The following ATP8B4 variants were observed in gnomAD, a reference collection of about 807,000 sequenced individuals.
The protein encoded by ATP8B4 is probable phospholipid-transporting ATPase IM.
ATP8B4 carries 133 observed loss-of-function variants against 145.6 expected under a neutral mutation model. That is an observed-to-expected ratio of 0.91 (90% CI 0.79 to 1.05). The LOEUF is 1.05. Ranked by LOEUF, ATP8B4 falls within the 50% of genes least tolerant of loss-of-function variation. The pLI is 0.00. For missense variants in ATP8B4, 1,458 were observed against 1,425.2 expected, an observed-to-expected ratio of 1.02 and a Z score of -0.37; for synonymous variants, 507 against 492.9, an observed-to-expected ratio of 1.03 and a Z score of -0.38.
chr15:50,099,290 T>C (rs1775136659), intron 2 of ATP8B4, among the ~76,000 whole-genome samples: 1 of 152,166 alleles, frequency 6.6e-6, no homozygotes, highest in Non-Finnish European at 1.5e-5. Flanking sequence ...TTTTCTTTTC[T>C]TTTTTTAGAG....
intron 20 of ATP8B4, among the ~76,000 whole-genome samples, chr15:49,906,420 GT>G (rs1207569513): frequency 1.3e-5 from 2 of 152,194 alleles, no homozygotes; most frequent in African/African-American, 4.8e-5. Context: ...CGTAATGACA[GT>G]TGTGTCATCT....
intron 23 of ATP8B4, among the ~76,000 whole-genome samples, chr15:49,892,110 C>T (rs2036888185): frequency 7.0e-6 from 1 of 142,816 alleles, no homozygotes; most frequent in Non-Finnish European, 1.5e-5. Context: ...GCAAGACTCA[C>T]CTAAAAAAAA....
intron 16 of ATP8B4, among the ~76,000 whole-genome samples, chr15:49,928,850 GAGA>G (rs1294172780): frequency 6.6e-6 from 1 of 152,090 alleles, no homozygotes; most frequent in Non-Finnish European, 1.5e-5. Context: ...GAGACTGGAA[GAGA>G]AGGAGATGGA....
At chr15:50,056,898 T>C (rs1403768556) in intron 3 of ATP8B4, among the ~76,000 whole-genome samples, 1 of 152,098 alleles carries the variant, frequency 6.6e-6, no homozygotes, top group East Asian at 1.9e-4. Flanking sequence ...TTTTATTTTT[T>C]TATTTTTTAT....
intron 23 of ATP8B4, among the ~76,000 whole-genome samples, chr15:49,890,710 G>C (rs1011466847): frequency 1.3e-5 from 2 of 152,110 alleles, no homozygotes; most frequent in African/African-American, 4.8e-5. Flanking sequence ...CTAAAAAAAA[G>C]CCAAAACATT....
chr15:49,869,739 C>T (rs1240731957), intron 25 of ATP8B4, among the ~76,000 whole-genome samples: 2 of 152,156 alleles, frequency 1.3e-5, no homozygotes, highest in Non-Finnish European at 1.5e-5. Context: ...TTTGGCAACC[C>T]GTCCCCAGGG....
intron 1 of ATP8B4, among the ~76,000 whole-genome samples, chr15:50,161,501 C>G (rs1321058819): frequency 6.6e-6 from 1 of 151,914 alleles, no homozygotes; most frequent in Non-Finnish European, 1.5e-5. Flanking sequence ...TATTTTATCT[C>G]TTACTTTTTA....
intron 2 of ATP8B4, among the ~76,000 whole-genome samples, chr15:50,078,541 A>C (rs897350454): frequency 1.3e-5 from 2 of 152,074 alleles, no homozygotes; most frequent in Admixed American, 6.6e-5. Context: ...AACAGGAGGA[A>C]AATGTGAAAA....
chr15:49,918,196 T>C (rs747179982), intron 19 of ATP8B4, among the ~76,000 whole-genome samples: 2 of 152,216 alleles, frequency 1.3e-5, no homozygotes, highest in Admixed American at 6.5e-5. Flanking sequence ...TTTTCTTTCA[T>C]AGGAAACATA....
intron 1 of ATP8B4, among the ~76,000 whole-genome samples, chr15:50,167,340 C>G (rs1317211267): frequency 6.6e-6 from 1 of 152,208 alleles, no homozygotes; most frequent in Non-Finnish European, 1.5e-5. Flanking sequence ...TCTGAACACT[C>G]TGAGGGAGAA....
chr15:50,139,769 G>A (rs578243064), intron 1 of ATP8B4, among the ~76,000 whole-genome samples: 2 of 152,280 alleles, frequency 1.3e-5, no homozygotes, highest in Admixed American at 6.5e-5. Context: ...CCTGGAATAT[G>A]CATATTAGGG....
In ATP8B4 at chr15:50,059,209, C is replaced by T. The variant is rs546634475; in HGVS notation, c.88-11745G>A. ...AATAGGCATTTGCCTTCTGTAGGAGCCAACAAGGAGATTCAATAAGAAGCC... is the reference window on the plus strand; with the variant it reads ...AATAGGCATTTGCCTTCTGTAGGAGTCAACAAGGAGATTCAATAAGAAGCC... On this transcript the variant is annotated intron_variant, in intron 3 of 27. Transcript: ENST00000284509. 5.2e-4 allele frequency among the ~76,000 whole-genome samples: 79 copies of T among 152,122 alleles called. 2 individuals carry two copies. The South Asian group carries it at 7.1e-3, about 14-fold the overall frequency.
At chr15:50,078,534 A>C (rs1413645259) in intron 2 of ATP8B4, among the ~76,000 whole-genome samples, 2 of 152,064 alleles carry the variant, frequency 1.3e-5, no homozygotes, top group East Asian at 3.9e-4. Context: ...AATGACAAAC[A>C]GGAGGAAAAT....
At chr15:50,089,536 A>T (rs184551341) in intron 2 of ATP8B4, among the ~76,000 whole-genome samples, 1 of 152,304 alleles carries the variant, frequency 6.6e-6, no homozygotes, top group Admixed American at 6.5e-5. Flanking sequence ...AACATCACTG[A>T]TTATTAGAGA....
chr15:49,972,731 T>C lies in ATP8B4; in HGVS notation c.1094A>G (p.Tyr365Cys). 2 of 1,614,044 alleles carry C rather than the reference T, an allele frequency of 1.2e-6. No individual in the cohort carries two copies. Among genetic ancestry groups the C allele is most frequent in the Non-Finnish European group, 1.7e-6 (2 of 1,179,986 alleles). ...CACTGCAGGTATTGCTTTTCGAGAA[T>C]AATACATCTTCCGGTCCCAGTTTAT... ...YFINWDRKMY[Y>C]SRKAIPAVAR... is the part of the protein sequence containing the mutation. The change falls in exon 13 of 28, where the codon TAT becomes TGT. Residue 365 changes from tyrosine to cysteine, a missense_variant. Transcript: ENST00000284509.
intron 1 of ATP8B4, among the ~76,000 whole-genome samples, chr15:50,134,060 T>C (rs945400833): frequency 5.3e-5 from 8 of 152,186 alleles, no homozygotes; most frequent in Admixed American, 1.3e-4. Flanking sequence ...TTTCACAATG[T>C]ATATGTATAT....
At chr15:49,894,448 C>T (rs74012830) in intron 23 of ATP8B4, among the ~76,000 whole-genome samples, 4,456 of 151,978 alleles carry the variant, frequency 0.029, 247 homozygotes, top group African/African-American at 0.1. Flanking sequence ...TGCTCCTCTG[C>T]GTAAAAAAAG....
At chr15:49,966,124 G>A (rs561018210) in intron 13 of ATP8B4, among the ~76,000 whole-genome samples, 102 of 152,304 alleles carry the variant, frequency 6.7e-4, no homozygotes, top group Middle Eastern at 3.4e-3. Context: ...TTCACAACCC[G>A]CAGAGCAGGA....
At chr15:50,000,776 A>G (rs2047821520) in intron 8 of ATP8B4, among the ~76,000 whole-genome samples, 1 of 152,158 alleles carries the variant, frequency 6.6e-6, no homozygotes, top group South Asian at 2.1e-4. Flanking sequence ...GAATCTGACC[A>G]GACAGCCCTA....
Sources: gnomAD v4.1 joint callset for allele counts (sites outside exome capture counted in the v4.1 genomes callset) on GRCh38, gnomAD v4.1.1 for gene constraint, MANE v1.5 for transcripts, NCBI Gene and HGNC (gene_info 2026-07-23, HGNC 2026-07-21) for gene names.